TGM1: variants seen among roughly 807,000 people sequenced by gnomAD.
The protein encoded by TGM1 is protein-glutamine gamma-glutamyltransferase K.
A neutral mutation model predicts 88.7 loss-of-function variants in TGM1; 63 were observed. The ratio of observed to expected loss-of-function variants is 0.71; its 90% CI spans 0.58 to 0.88. The LOEUF is 0.88. Ranked by LOEUF, TGM1 falls within the 40% of genes least tolerant of loss-of-function variation. TGM1 has a pLI of 0.00. For synonymous variants in TGM1, 415 were observed against 431.1 expected (o/e 0.96, Z 0.46); for missense variants, 996 against 1,118.0 (o/e 0.89, Z 1.56).
At chr14:24,254,636 C>A (rs1314960671) in intron 13 of TGM1, 28 bp downstream of exon 13, 1 of 1,613,380 alleles carries the variant, frequency 6.2e-7, no homozygotes, top group African/African-American at 1.3e-5. Flanking sequence ...CTCTGACCAC[C>A]CCTCATGCCC....
At position 24,258,821 on chromosome 14, in the gene TGM1, T is replaced by G. The variant is rs1201394401; in HGVS notation, c.1160-148A>C. 7 of 1,294,172 alleles carry G rather than the reference T, an allele frequency of 5.4e-6. No individual in the cohort carries two copies. The East Asian group carries it at 1.7e-4, about 32-fold the overall frequency. The allele number at this position is 1,294,172 out of a possible 1,614,324, so 80.2% of individuals were successfully genotyped here. ...AGGGCCACGGGGGCCACAAGGCCTT[T>G]GGGCTACAGAGCACTTGGGGTCAGG... On this transcript the variant is annotated intron_variant, in intron 7 of 14. Coordinates refer to ENST00000206765, the MANE Select transcript of TGM1 (RefSeq NM_000359.3).
At position 24,260,583 on chromosome 14, in the gene TGM1, C is replaced by T. The variant is rs748504712; in HGVS notation, c.624G>A (p.Arg208=). 2.5e-6 allele frequency: 4 copies of T among 1,614,194 alleles called. No homozygotes were observed. The Admixed American group carries it at 6.7e-5, about 27-fold the overall frequency. Residue 208 remains arginine, a synonymous_variant, in exon 4 of 15, where the codon CGG becomes CGA. Coordinates refer to ENST00000206765, the MANE Select transcript of TGM1 (RefSeq NM_000359.3). ...TGATGGCGTTGGGGGAAGTGTGGAC[C>T]CGCAGGTTCAGATTCTGCCCACTGG... The part of the protein sequence containing the change: ...VKASGQNLNL[R]VHTSPNAIIG...
rs757301708 is a variant in TGM1 at position 24,260,670 on chromosome 14, C to A, written c.537G>T (p.Thr179=). 6.2e-7 allele frequency: 1 copy of A among 1,614,116 alleles called. No homozygotes were observed. The highest frequency in any genetic ancestry group is 8.5e-7 in the Non-Finnish European group (1 of 1,180,016). The part of the protein sequence containing the change: ...IGNNPEVGKG[T]HVIIPVGKGG... Reference sequence around the variant, plus strand: ...CCTTGCCCACTGGGATGATCACGTGCGTGCCCTTGCCCACCTCGGGGTTGT... The same window carrying A: ...CCTTGCCCACTGGGATGATCACGTGAGTGCCCTTGCCCACCTCGGGGTTGT... The change falls in exon 4 of 15, where the codon ACG becomes ACT. Residue 179 remains threonine (T), a synonymous_variant. Transcript: ENST00000206765.
intron 14 of TGM1, among the ~76,000 whole-genome samples, chr14:24,252,265 G>T (rs932417464): frequency 6.6e-6 from 1 of 152,218 alleles, no homozygotes; most frequent in Non-Finnish European, 1.5e-5. Flanking sequence ...GTCCAGGGAG[G>T]ATCTGCCTTA....
At position 24,261,798 on chromosome 14, in the gene TGM1, C is replaced by G. The variant is rs1288994149; in HGVS notation, c.405G>C (p.Glu135Asp). 6.2e-7 allele frequency: 1 copy of G among 1,614,158 alleles called. No individual in the cohort carries two copies. The highest frequency in any genetic ancestry group is 1.3e-5 in the African/African-American group (1 of 75,014). Residue 135 changes from glutamate (E) to aspartate (D), a missense_variant, in exon 3 of 15, where the codon GAG becomes GAC. Physicochemically the swap from Glu to Asp is conservative, Grantham distance 45. Transcript: ENST00000206765. ...NRREHHTDEY[E>D]YDELIVRRGQ... is the part of the protein sequence containing the mutation. ...CGCGGCGCACTATCAGCTCGTCGTA[C>G]TCATACTCGTCTGTGTGGTGCTCTC...
intron 14 of TGM1, among the ~76,000 whole-genome samples, chr14:24,252,219 T>A (rs1479942298): frequency 6.6e-6 from 1 of 152,216 alleles, no homozygotes; most frequent in African/African-American, 2.4e-5. Context: ...CTGGAGGCTC[T>A]GGTCTGGGCT....
At chr14:24,253,590 C>T (rs1201283496) in intron 14 of TGM1, among the ~76,000 whole-genome samples, 1 of 152,146 alleles carries the variant, frequency 6.6e-6, no homozygotes, top group East Asian at 1.9e-4. Context: ...GTGATCCTCC[C>T]ACCTTAGACT....
At position 24,255,645 on chromosome 14, in the gene TGM1, G is replaced by A. The variant is rs2040744654; in HGVS notation, c.1492-128C>T. The A allele has an allele frequency of 1.5e-6, 2 of 1,299,724 alleles. No homozygotes were observed. Among genetic ancestry groups the A allele is most frequent in the Non-Finnish European group, 2.2e-6 (2 of 925,946 alleles). The allele number at this position is 1,299,724 out of a possible 1,614,324, so 80.5% of individuals were successfully genotyped here. On this transcript the variant is annotated intron_variant, in intron 10 of 14. Transcript: ENST00000206765. The surrounding 1 kb of genome is among the most constrained non-coding windows in gnomAD (Gnocchi z 4.0). ...TTGGTCCCAAGGGTGGGAGCTTCCT[G>A]GCAGAGCCCAAGGGGAGACTTTCCA...
intron 14 of TGM1, among the ~76,000 whole-genome samples, chr14:24,250,665 C>T (rs527689840): frequency 2.0e-4 from 31 of 152,304 alleles, no homozygotes; most frequent in Non-Finnish European, 3.2e-4. Context: ...CCTGGCACAC[C>T]ACTTCCTCAG....
At chr14:24,260,418 T>C (rs1299054648) in intron 4 of TGM1, 32 bp downstream of exon 4, 3 of 1,613,810 alleles carry the variant, frequency 1.9e-6, no homozygotes, top group Admixed American at 1.7e-5. Context: ...TTCCCTCCCA[T>C]CTACCCTCTG....
rs2040785750 is a variant in TGM1 at position 24,259,406 on chromosome 14, C to A, written c.985-157G>T. The stretch of plus-strand genomic sequence containing the variant: ...CAGCCTGAGCTCCACCCAGCCCTTC[C>A]CTCAGCCATCTGCCCCCCTCCCACC... On this transcript the variant is annotated intron_variant, in intron 6 of 14. Coordinates refer to ENST00000206765, the MANE Select transcript of TGM1 (RefSeq NM_000359.3). The surrounding 1 kb of genome is among the most constrained non-coding windows in gnomAD (Gnocchi z 5.7). Among the ~76,000 whole-genome samples, 1 of 152,208 alleles carries A rather than the reference C, an allele frequency of 6.6e-6. No homozygotes were observed. The highest frequency in any genetic ancestry group is 6.5e-5 in the Admixed American group (1 of 15,282).
In TGM1 at chr14:24,258,718, A is replaced by G. The variant is rs764942451; in HGVS notation, c.1160-45T>C. 8.1e-6 allele frequency: 13 copies of G among 1,609,596 alleles called. No individual in the cohort carries two copies. The African/African-American group carries it at 9.4e-5, about 12-fold the overall frequency. ...GGGGTTCAAGGCATGGGTTGGGGGC[A>G]AGTGAGGCATCGTGTCAGGAGTATC... On this transcript the variant is annotated intron_variant, in intron 7 of 14. Coordinates refer to ENST00000206765, the MANE Select transcript of TGM1 (RefSeq NM_000359.3).
At chr14:24,252,502 G>A (rs1333645144) in intron 14 of TGM1, among the ~76,000 whole-genome samples, 1 of 152,204 alleles carries the variant, frequency 6.6e-6, no homozygotes, top group East Asian at 1.9e-4. Context: ...GGTAAGAGAT[G>A]CCTGCTGGGC....
rs1247266471 is a variant in TGM1, at chr14:24,258,683, A to G, written c.1160-10T>C. On this transcript the variant is annotated splice_polypyrimidine_tract_variant and intron_variant, in intron 7 of 14. Transcript: ENST00000206765. ...CCCAGGCAGCGCAGCACTGTGGAGG[A>G]GCGAAGGTTGGGGTTCAAGGCATGG... 2.1e-5 allele frequency: 34 copies of G among 1,613,266 alleles called. No homozygotes were observed. The highest frequency in any genetic ancestry group is 2.9e-5 in the Non-Finnish European group (34 of 1,179,280).
rs1305337728 is a variant in TGM1, at chr14:24,260,136, G to C, written c.758-78C>G. On this transcript the variant is annotated intron_variant, in intron 4 of 14. Coordinates refer to ENST00000206765, the MANE Select transcript of TGM1 (RefSeq NM_000359.3). The stretch of plus-strand genomic sequence containing the variant: ...TCACCTACTTCTGGCCAGTTCTGCA[G>C]GACTCATGTCCACAGAAGAAAATGC... The C allele has an allele frequency of 3.8e-6, 5 of 1,317,680 alleles. No individual in the cohort carries two copies. In the African/African-American group the frequency reaches 7.2e-5, roughly 19 times the overall value. The allele number at this position is 1,317,680 out of a possible 1,614,324, so 81.6% of individuals were successfully genotyped here.
intron 14 of TGM1, among the ~76,000 whole-genome samples, chr14:24,251,531 C>T (rs144551444): frequency 2.2e-4 from 33 of 152,310 alleles, no homozygotes; most frequent in Non-Finnish European, 3.8e-4. Context: ...AAGCTGAGTA[C>T]AAGCCATCTG....
chr14:24,250,398 A>G (rs2040692078), intron 14 of TGM1, among the ~76,000 whole-genome samples: 2 of 152,106 alleles, frequency 1.3e-5, no homozygotes, highest in Admixed American at 1.3e-4. Context: ...TCAAGGATTT[A>G]GTGCTCCTTT....
Position 24,259,993 on chromosome 14 carries a change from TTCTCCCAGAC to T in TGM1, c.813_822del (p.Ser272PhefsTer55), listed in dbSNP as rs778038848. On this transcript the variant is annotated frameshift_variant, in exon 5 of 15. Coordinates refer to ENST00000206765, the MANE Select transcript of TGM1 (RefSeq NM_000359.3). LOFTEE classifies it high-confidence loss of function. The surrounding 1 kb of genome is among the most constrained non-coding windows in gnomAD (Gnocchi z 5.7). Reference sequence around the variant, plus strand: ...ATCTGTGCTTCGGTCCCGTAGTAAATTCTCCCAGACTCATTAAGAACATACTCCTGCCGCC... The same window carrying T: ...ATCTGTGCTTCGGTCCCGTAGTAAATTCATTAAGAACATACTCCTGCCGCC... The T allele has an allele frequency of 6.2e-7, 1 of 1,614,146 alleles. No individual in the cohort carries two copies. The highest frequency in any genetic ancestry group is 1.1e-5 in the South Asian group (1 of 91,076).
chr14:24,251,055 G>A (rs1328843083), intron 14 of TGM1, among the ~76,000 whole-genome samples: 1 of 152,146 alleles, frequency 6.6e-6, no homozygotes, highest in East Asian at 1.9e-4. Context: ...TTAGCTGTGA[G>A]GCTTATGAGA....
Sources: gnomAD v4.1 joint callset for allele counts (sites outside exome capture counted in the v4.1 genomes callset) on GRCh38, gnomAD v4.1.1 for gene constraint, Gnocchi (gnomAD v3.1) non-coding constraint, MANE v1.5 for transcripts, NCBI Gene and HGNC (gene_info 2026-07-23, HGNC 2026-07-21) for gene names.